Variants in ENTREP2 observed in about 807,000 individuals in gnomAD.
ENTREP2 encodes the protein protein ENTREP2.
chr15:29,408,909 T>C, the ENTREP2 span, among the ~76,000 whole-genome samples: 9 of 152,242 alleles, frequency 5.9e-5, no homozygotes, highest in African/African-American at 1.7e-4. Context: ...TTTAAGTTTT[T>C]CAATATGCAT....
the ENTREP2 span, among the ~76,000 whole-genome samples, chr15:29,156,163 TGTG>T: frequency 6.6e-6 from 1 of 151,876 alleles, no homozygotes; most frequent in South Asian, 2.1e-4. Context: ...TGTTGTTGTT[TGTG>T]GTGGTGGTGG....
At chr15:29,411,184 T>A in the ENTREP2 span, among the ~76,000 whole-genome samples, 1 of 152,216 alleles carries the variant, frequency 6.6e-6, no homozygotes, top group Admixed American at 6.5e-5. Context: ...CTGGTGCACG[T>A]GGGCAGGAGT....
chr15:29,310,674 T>C, the ENTREP2 span, among the ~76,000 whole-genome samples: 1 of 152,034 alleles, frequency 6.6e-6, no homozygotes, highest in Non-Finnish European at 1.5e-5. Flanking sequence ...TACATCAAGG[T>C]GCATGGAAGC....
the ENTREP2 span, among the ~76,000 whole-genome samples, chr15:29,341,790 C>T: frequency 2.6e-5 from 4 of 152,220 alleles, no homozygotes; most frequent in Admixed American, 6.5e-5. Flanking sequence ...CTTACAAGCA[C>T]GGAGAGAAAC....
At chr15:29,615,720 C>A in the ENTREP2 span, among the ~76,000 whole-genome samples, 1 of 152,112 alleles carries the variant, frequency 6.6e-6, no homozygotes, top group African/African-American at 2.4e-5. Context: ...TTGGTTTTGT[C>A]CTACCCTACA....
chr15:29,535,368 A>G, the ENTREP2 span, among the ~76,000 whole-genome samples: 1 of 151,974 alleles, frequency 6.6e-6, no homozygotes, highest in Non-Finnish European at 1.5e-5. Flanking sequence ...GATAAAAGAC[A>G]ATAGTTTCAG....
At chr15:29,475,110 C>A in the ENTREP2 span, among the ~76,000 whole-genome samples, 1 of 152,078 alleles carries the variant, frequency 6.6e-6, no homozygotes, top group Non-Finnish European at 1.5e-5. Context: ...ACATGCGGCA[C>A]TGAGCGAGAG....
the ENTREP2 span, chr15:29,266,478 A>C: frequency 6.6e-6 from 1 of 152,230 alleles, no homozygotes; most frequent in African/African-American, 2.4e-5. Flanking sequence ...AATGCCTGCA[A>C]ATCTCAAAGA....
At chr15:29,313,132 G>T in the ENTREP2 span, among the ~76,000 whole-genome samples, 273 of 152,312 alleles carry the variant, frequency 1.8e-3, 1 homozygote, top group African/African-American at 6.0e-3. Flanking sequence ...ATTCAATGAG[G>T]ATGAGAGAGG....
the ENTREP2 span, among the ~76,000 whole-genome samples, chr15:29,324,684 A>G: frequency 1.3e-5 from 2 of 152,218 alleles, no homozygotes; most frequent in Non-Finnish European, 2.9e-5. Flanking sequence ...ATAGTGATAT[A>G]AAGGTCAGTT....
chr15:29,579,467 A>G, the ENTREP2 span, among the ~76,000 whole-genome samples: 14 of 151,524 alleles, frequency 9.2e-5, no homozygotes, highest in African/African-American at 3.4e-4. Context: ...CACTCTCTCC[A>G]ACATGTTTCT....
At chr15:29,129,410 G>A in the ENTREP2 span, among the ~76,000 whole-genome samples, 2 of 152,200 alleles carry the variant, frequency 1.3e-5, no homozygotes, top group African/African-American at 2.4e-5. Flanking sequence ...AGCCTGGCAG[G>A]GCCACAGAGC....
At chr15:29,358,836 A>G in the ENTREP2 span, among the ~76,000 whole-genome samples, 1 of 152,166 alleles carries the variant, frequency 6.6e-6, no homozygotes, top group African/African-American at 2.4e-5. Context: ...TAAATAAGTA[A>G]AGAGATTTCA....
At chr15:29,275,080 C>T in the ENTREP2 span, among the ~76,000 whole-genome samples, 1 of 152,176 alleles carries the variant, frequency 6.6e-6, no homozygotes, top group Non-Finnish European at 1.5e-5. Context: ...AGAGGAAATT[C>T]AAATGCCCTT....
chr15:29,533,436 G>A, the ENTREP2 span, among the ~76,000 whole-genome samples: 28 of 152,292 alleles, frequency 1.8e-4, no homozygotes, highest in African/African-American at 4.8e-4. Context: ...AAAAGTGACC[G>A]GGACACAGCA....
chr15:29,238,399 G>A, the ENTREP2 span, among the ~76,000 whole-genome samples: 4 of 152,126 alleles, frequency 2.6e-5, no homozygotes, highest in Non-Finnish European at 5.9e-5. Context: ...TTGGGAGGCC[G>A]AGGTGGGCAG....
At chr15:29,120,090 T>C in the ENTREP2 span, among the ~76,000 whole-genome samples, 7 of 151,916 alleles carry the variant, frequency 4.6e-5, no homozygotes, top group African/African-American at 1.5e-4. Flanking sequence ...TGCCCCGGAG[T>C]TGACCCTCTC....
At chr15:29,190,456 C>T in the ENTREP2 span, among the ~76,000 whole-genome samples, 1 of 152,030 alleles carries the variant, frequency 6.6e-6, no homozygotes, top group Non-Finnish European at 1.5e-5. Context: ...AAAAGACAAT[C>T]CGAGGGATGA....
chr15:29,407,077 C>T, the ENTREP2 span, among the ~76,000 whole-genome samples: 2 of 152,154 alleles, frequency 1.3e-5, no homozygotes, highest in African/African-American at 4.8e-5. Flanking sequence ...CTGAGAAGTG[C>T]GCCCTTAGGT....
Sources: gnomAD v4.1 joint callset for allele counts (sites outside exome capture counted in the v4.1 genomes callset) on GRCh38, gnomAD v4.1.1 for gene constraint, MANE v1.5 for transcripts, NCBI Gene and HGNC (gene_info 2026-07-23, HGNC 2026-07-21) for gene names.